The following SUPT3H variants were observed in gnomAD, a reference collection of about 807,000 sequenced individuals.
SUPT3H encodes transcription initiation protein SPT3 homolog.
SUPT3H carries 44 observed loss-of-function variants against 44.3 expected under a neutral mutation model. The ratio of observed to expected loss-of-function variants is 0.99; its 90% confidence interval spans 0.78 to 1.28. SUPT3H has a LOEUF of 1.28. Among genes scored for constraint, SUPT3H ranks in the 50% most tolerant of loss-of-function variants. SUPT3H has a pLI of 0.00. For missense variants in SUPT3H, 380 were observed against 387.1 expected (o/e 0.98, Z 0.15); for synonymous variants, 124 against 125.6 (o/e 0.99, Z 0.09).
intron 2 of SUPT3H, among the ~76,000 whole-genome samples, chr6:45,282,090 G>A (rs1313577701): frequency 5.3e-5 from 8 of 152,130 alleles, no homozygotes; most frequent in East Asian, 1.9e-4. Context: ...CCATCTGTAC[G>A]TCACTATCAT....
intron 2 of SUPT3H, among the ~76,000 whole-genome samples, chr6:45,327,559 ATACATGAAACAT>A (rs1786571242): frequency 6.6e-6 from 1 of 151,978 alleles, no homozygotes; most frequent in East Asian, 1.9e-4. Flanking sequence ...AGATAATGGT[ATACATGAAACAT>A]TACATTTAAT....
At chr6:45,349,108 C>T (rs1411955177) in intron 2 of SUPT3H, among the ~76,000 whole-genome samples, 1 of 152,068 alleles carries the variant, frequency 6.6e-6, no homozygotes, top group Non-Finnish European at 1.5e-5. Flanking sequence ...ATGTTACTGC[C>T]TATAATACAA....
chr6:44,830,773 AAAG>A (rs954387320), intron 10 of SUPT3H, among the ~76,000 whole-genome samples: 3 of 152,072 alleles, frequency 2.0e-5, no homozygotes, highest in Non-Finnish European at 2.9e-5. Context: ...TCAGAAAAAC[AAAG>A]AAAATCATAA....
intron 2 of SUPT3H, among the ~76,000 whole-genome samples, chr6:45,237,175 T>C (rs1243846375): frequency 1.3e-5 from 2 of 152,200 alleles, no homozygotes; most frequent in Non-Finnish European, 2.9e-5. Context: ...TACTGATCAA[T>C]GTCCTACCCG....
At chr6:45,180,374 G>C (rs1812907528) in intron 2 of SUPT3H, among the ~76,000 whole-genome samples, 1 of 150,096 alleles carries the variant, frequency 6.7e-6, no homozygotes, top group Non-Finnish European at 1.5e-5. Context: ...CTACTTTAAA[G>C]TTCATATGGA....
chr6:45,026,085 T>C (rs1235763486), intron 3 of SUPT3H, among the ~76,000 whole-genome samples: 3 of 152,160 alleles, frequency 2.0e-5, no homozygotes, highest in Non-Finnish European at 4.4e-5. Flanking sequence ...GAATCCTAGG[T>C]AAGGTTATCG....
At chr6:44,933,966 C>T (rs1241836090) in intron 9 of SUPT3H, among the ~76,000 whole-genome samples, 3 of 152,048 alleles carry the variant, frequency 2.0e-5, no homozygotes, top group African/African-American at 4.8e-5. Flanking sequence ...AAAATGGGAT[C>T]GCTAAGTTTT....
intron 7 of SUPT3H, among the ~76,000 whole-genome samples, chr6:44,959,577 T>G (rs1775708356): frequency 6.6e-6 from 1 of 152,074 alleles, no homozygotes; most frequent in Non-Finnish European, 1.5e-5. Context: ...TTTAAATTAT[T>G]ATAAATTATT....
At chr6:45,265,530 A>G (rs1775108982) in intron 2 of SUPT3H, among the ~76,000 whole-genome samples, 1 of 152,110 alleles carries the variant, frequency 6.6e-6, no homozygotes, top group Non-Finnish European at 1.5e-5. Context: ...CACAACCTTG[A>G]GCTAAGCCAA....
intron 6 of SUPT3H, among the ~76,000 whole-genome samples, chr6:44,962,704 C>A (rs1448318984): frequency 6.6e-6 from 1 of 151,358 alleles, no homozygotes; most frequent in African/African-American, 2.4e-5. Context: ...AGAAATTATT[C>A]TTTTTTCTTT....
At chr6:44,897,111 T>G (rs1764227806) in intron 10 of SUPT3H, among the ~76,000 whole-genome samples, 1 of 152,154 alleles carries the variant, frequency 6.6e-6, no homozygotes, top group Non-Finnish European at 1.5e-5. Flanking sequence ...CAGCCCAAGG[T>G]CCTAATACAG....
At chr6:45,196,406 G>A (rs939899636) in intron 2 of SUPT3H, among the ~76,000 whole-genome samples, 38 of 151,918 alleles carry the variant, frequency 2.5e-4, no homozygotes, top group Non-Finnish European at 2.9e-4. Flanking sequence ...AGTTCATGTT[G>A]AAAATTTACG....
chr6:45,011,471 C>G (rs1187957343), intron 5 of SUPT3H, among the ~76,000 whole-genome samples: 4 of 151,980 alleles, frequency 2.6e-5, no homozygotes, highest in Non-Finnish European at 5.9e-5. Flanking sequence ...TTTGCCACTT[C>G]TGGTTCTTTT....
chr6:45,215,704 C>G (rs773470545), intron 2 of SUPT3H, among the ~76,000 whole-genome samples: 1 of 152,032 alleles, frequency 6.6e-6, no homozygotes, highest in African/African-American at 2.4e-5. Context: ...AATTATTAAG[C>G]AAACCACAGC....
intron 3 of SUPT3H, among the ~76,000 whole-genome samples, chr6:45,104,052 C>T (rs1798945843): frequency 6.6e-6 from 1 of 151,818 alleles, no homozygotes; most frequent in South Asian, 2.1e-4. Flanking sequence ...TCATCATTAG[C>T]ACAGCTGTAC....
chr6:45,321,188 A>G (rs1311505946), intron 2 of SUPT3H, among the ~76,000 whole-genome samples: 1 of 152,120 alleles, frequency 6.6e-6, no homozygotes, highest in Non-Finnish European at 1.5e-5. Flanking sequence ...ATAAAATTTA[A>G]AGACTAAAAC....
chr6:44,855,537 G>A (rs762435143), intron 10 of SUPT3H, among the ~76,000 whole-genome samples: 8 of 152,038 alleles, frequency 5.3e-5, no homozygotes, highest in Non-Finnish European at 8.8e-5. Context: ...GAAATGTGCC[G>A]TATTTGATTC....
chr6:45,032,326 G>C (rs1009985520), intron 3 of SUPT3H, among the ~76,000 whole-genome samples: 1 of 152,076 alleles, frequency 6.6e-6, no homozygotes, highest in African/African-American at 2.4e-5. Context: ...AAAGGGCTCA[G>C]GAAGGTGACA....
intron 9 of SUPT3H, among the ~76,000 whole-genome samples, chr6:44,937,863 A>G (rs1201586607): frequency 1.4e-5 from 2 of 144,962 alleles, no homozygotes; most frequent in Non-Finnish European, 3.0e-5. Flanking sequence ...CAATTTGCAA[A>G]TGTTTTCTCC....
Sources: gnomAD v4.1 joint callset for allele counts (sites outside exome capture counted in the v4.1 genomes callset) on GRCh38, gnomAD v4.1.1 for gene constraint, MANE v1.5 for transcripts, NCBI Gene and HGNC (gene_info 2026-07-23, HGNC 2026-07-21) for gene names.